The following MAPRE3 variants were observed in gnomAD, a reference collection of about 807,000 sequenced individuals.
MAPRE3 encodes microtubule-associated protein RP/EB family member 3.
MAPRE3 carries 2 observed loss-of-function variants against 30.5 expected under a neutral mutation model. That is an observed-to-expected ratio of 0.07 (90% CI 0.03 to 0.21). The LOEUF (loss-of-function observed/expected upper bound fraction) is 0.21. Ranked by LOEUF, MAPRE3 falls within the 10% of genes least tolerant of loss-of-function variation. The pLI is 1.00. For missense variants in MAPRE3, 204 were observed against 351.8 expected (o/e 0.58, Z 3.36); for synonymous variants, 110 against 127.7 (o/e 0.86, Z 0.93).
At chr2:26,995,872 G>GGGCCTTT (rs1666448626) in intron 1 of MAPRE3, among the ~76,000 whole-genome samples, 1 of 142,754 alleles carries the variant, frequency 7.0e-6, no homozygotes, top group Admixed American at 7.3e-5. Context: ...AGATACTAAT[G>GGGCCTTT]GGCCTTTTCT....
intron 3 of MAPRE3, chr2:27,023,701 C>T (rs1667163984): frequency 1.8e-6 from 1 of 565,244 alleles, no homozygotes; most frequent in Non-Finnish European, 3.2e-6. Flanking sequence ...TTCCTCCTCT[C>T]TGGACCCTGC....
At chr2:26,989,838 C>T (rs954343401) in intron 1 of MAPRE3, among the ~76,000 whole-genome samples, 14 of 152,140 alleles carry the variant, frequency 9.2e-5, no homozygotes, top group Non-Finnish European at 1.3e-4. Flanking sequence ...GGGTCACTGA[C>T]CTGTTGAATC....
chr2:26,993,925 G>C (rs188619310), intron 1 of MAPRE3, among the ~76,000 whole-genome samples: 1 of 152,254 alleles, frequency 6.6e-6, no homozygotes, highest in East Asian at 1.9e-4. Flanking sequence ...AGGAGATGGC[G>C]CTCTCCCCCC....
chr2:26,996,582 C>T (rs546679175), intron 1 of MAPRE3, among the ~76,000 whole-genome samples: 1 of 151,928 alleles, frequency 6.6e-6, no homozygotes, highest in African/African-American at 2.4e-5. Context: ...GCGGGCAGAT[C>T]ATGAGGTCAG....
intron 1 of MAPRE3, among the ~76,000 whole-genome samples, chr2:27,016,381 CTT>C (rs567480969): frequency 3.8e-4 from 47 of 122,976 alleles, no homozygotes; most frequent in Middle Eastern, 4.0e-3. Context: ...CAGGTTATGT[CTT>C]TTTTTTTTTT....
intron 1 of MAPRE3, among the ~76,000 whole-genome samples, chr2:26,990,309 C>T (rs914683087): frequency 6.6e-6 from 1 of 152,176 alleles, no homozygotes. Context: ...ATGCTCTCCC[C>T]GCTCCCTGAG....
rs989381465 is a variant in MAPRE3, at chr2:26,981,007, C to G, written c.-8+10205C>G. On this transcript the variant is annotated intron_variant, in intron 1 of 6. Transcript: ENST00000233121. ...AAGTCCAGGATAGATTACTGGGGTT[C>G]CTCCTAAGAAAAGACCTTTCTTTCT... Among the ~76,000 whole-genome samples, 4 of 152,102 alleles carry G rather than the reference C, an allele frequency of 2.6e-5. No homozygotes were observed. In the East Asian group the frequency reaches 7.7e-4, roughly 29 times the overall value.
chr2:26,997,870 A>G (rs965219019), intron 1 of MAPRE3, among the ~76,000 whole-genome samples: 9 of 152,230 alleles, frequency 5.9e-5, no homozygotes, highest in African/African-American at 1.2e-4. Context: ...TGTTGCATCT[A>G]TTAGAAGGGA....
rs746562360 is a variant in MAPRE3 at position 27,025,877 on chromosome 2, C to T, written c.625-3C>T. 20 of 1,614,178 alleles carry T rather than the reference C, an allele frequency of 1.2e-5. No homozygotes were observed. Among genetic ancestry groups the T allele is most frequent in the Non-Finnish European group, 1.7e-5 (20 of 1,180,014 alleles). ...GCTTGAACATCACTTTGTCCCCAAG[C>T]AGCTGGTGGACTTGAAGCTGACAGT... On this transcript the variant is annotated splice_polypyrimidine_tract_variant and splice_region_variant and intron_variant, in intron 5 of 6. Coordinates refer to ENST00000233121, the MANE Select transcript of MAPRE3 (RefSeq NM_012326.4).
intron 3 of MAPRE3, chr2:27,023,823 C>T (rs932093680): frequency 1.4e-5 from 7 of 511,156 alleles, no homozygotes; most frequent in Middle Eastern, 2.9e-4. Context: ...TGGCTGCAGA[C>T]CCCCAGCCCA....
chr2:26,997,138 C>G (rs77262476), intron 1 of MAPRE3, among the ~76,000 whole-genome samples: 1 of 152,236 alleles, frequency 6.6e-6, no homozygotes, highest in Non-Finnish European at 1.5e-5. Context: ...TTAGCAGTCC[C>G]CAACCTTTTT....
At chr2:27,003,904 C>T (rs1196589900) in intron 1 of MAPRE3, among the ~76,000 whole-genome samples, 3 of 152,218 alleles carry the variant, frequency 2.0e-5, no homozygotes, top group Non-Finnish European at 4.4e-5. Flanking sequence ...TGAATTGACA[C>T]GTGTGAGGTT....
intron 1 of MAPRE3, chr2:26,984,944 C>T (rs901957672): frequency 2.6e-5 from 4 of 152,330 alleles, no homozygotes; most frequent in Admixed American, 2.0e-4. Context: ...CTAGGAGATG[C>T]TTTCACTGTG....
intron 1 of MAPRE3, among the ~76,000 whole-genome samples, chr2:26,978,540 C>G (rs571767356): frequency 1.2e-4 from 19 of 152,270 alleles, no homozygotes; most frequent in Admixed American, 9.2e-4. Flanking sequence ...GCTGAAAGCT[C>G]TCAGTTTAGG....
At position 26,990,293 on chromosome 2, in the gene MAPRE3, C is replaced by T. The variant is rs140872723; in HGVS notation, c.-8+19491C>T. Among the ~76,000 whole-genome samples the T allele has an allele frequency of 8.0e-3, 1,215 of 152,310 alleles. 16 individuals are homozygous for T. The highest frequency in any genetic ancestry group is 0.028 in the African/African-American group (1,177 of 41,564). The stretch of plus-strand genomic sequence containing the variant: ...GTGTATTTCCACACCCCCTCCTATG[C>T]GCCCCATGCTCTCCCCGCTCCCTGA... On this transcript the variant is annotated intron_variant, in intron 1 of 6. Coordinates refer to ENST00000233121, the MANE Select transcript of MAPRE3 (RefSeq NM_012326.4).
At chr2:26,977,449 A>C (rs1666034521) in intron 1 of MAPRE3, among the ~76,000 whole-genome samples, 1 of 152,068 alleles carries the variant, frequency 6.6e-6, no homozygotes, top group African/African-American at 2.4e-5. Flanking sequence ...CTGTATTCCC[A>C]GTTCTCCAGT....
chr2:27,011,776 G>A (rs1455791342), intron 1 of MAPRE3: 1 of 137,792 alleles, frequency 7.3e-6, no homozygotes, highest in Non-Finnish European at 1.5e-5. Context: ...AACCAGGGAG[G>A]TATAGGTTGC....
At chr2:26,983,713 A>C (rs1666162971) in intron 1 of MAPRE3, among the ~76,000 whole-genome samples, 1 of 152,182 alleles carries the variant, frequency 6.6e-6, no homozygotes, top group African/African-American at 2.4e-5. Context: ...GGGAGGCATT[A>C]GGAAATAACT....
intron 2 of MAPRE3, chr2:27,022,683 T>C (rs973932387): frequency 4.6e-6 from 1 of 219,516 alleles, no homozygotes. Flanking sequence ...GAAAAGGTGA[T>C]AATAAAATAA....
Sources: allele counts gnomAD v4.1 joint callset (sites outside exome capture counted in the v4.1 genomes callset), GRCh38; gene constraint gnomAD v4.1.1; transcripts MANE v1.5; gene names NCBI Gene and HGNC (gene_info 2026-07-23, HGNC 2026-07-21).